Variants in CWC27 observed in about 807,000 individuals in gnomAD.
CWC27 encodes spliceosome-associated protein CWC27 homolog.
CWC27 carries 47 observed loss-of-function variants against 63.6 expected under a neutral mutation model. The ratio of observed to expected loss-of-function variants is 0.74; its 90% confidence interval spans 0.58 to 0.94. The LOEUF is 0.94. Ranked by LOEUF, CWC27 falls within the 40% of genes least tolerant of loss-of-function variation. The pLI is 0.00. For missense variants in CWC27, 495 were observed against 554.3 expected, an observed-to-expected ratio of 0.89 and a Z score of 1.07; for synonymous variants, 175 against 179.8, an observed-to-expected ratio of 0.97 and a Z score of 0.22.
intron 10 of CWC27, chr5:64,808,487 A>C: frequency 1.8e-5 from 6 of 329,386 alleles, no homozygotes; most frequent in African/African-American, 2.2e-5. Flanking sequence ...TTGTATCTCC[A>C]TGTTCAAACA....
At chr5:64,779,929 C>G (rs1437615463) in intron 2 of CWC27, among the ~76,000 whole-genome samples, 3 of 152,198 alleles carry the variant, frequency 2.0e-5, no homozygotes, top group Non-Finnish European at 4.4e-5. Context: ...CCTGCTTCTC[C>G]TTTGCCATCC....
intron 13 of CWC27, among the ~76,000 whole-genome samples, chr5:65,013,852 G>C (rs920540353): frequency 6.6e-6 from 1 of 152,138 alleles, no homozygotes; most frequent in Non-Finnish European, 1.5e-5. Flanking sequence ...TATTATATAA[G>C]TAATTTAAAT....
intron 11 of CWC27, among the ~76,000 whole-genome samples, chr5:64,916,351 G>A (rs1201705547): frequency 1.3e-5 from 2 of 152,046 alleles, no homozygotes; most frequent in African/African-American, 4.8e-5. Context: ...AAAAACCTAG[G>A]TTTGAGTCAA....
At position 64,882,253 on chromosome 5, in the gene CWC27, G is replaced by A. The variant is rs1271583646; in HGVS notation, c.939-3190G>A. On this transcript the variant is annotated intron_variant, in intron 10 of 13. Transcript: ENST00000381070. Reference sequence around the variant, plus strand: ...GAGAAGAGTCCAAGGGAAATTTAAAGTCTGGTCATTCAAAAGATTATGGTT... The same window carrying A: ...GAGAAGAGTCCAAGGGAAATTTAAAATCTGGTCATTCAAAAGATTATGGTT... Among the ~76,000 whole-genome samples, 2 of 152,314 alleles carry A rather than the reference G, an allele frequency of 1.3e-5. 1 individual carries two copies. Among genetic ancestry groups the A allele is most frequent in the African/African-American group, 4.8e-5 (2 of 41,582 alleles).
chr5:64,990,781 C>A (rs1194818860), intron 13 of CWC27, among the ~76,000 whole-genome samples: 3 of 152,110 alleles, frequency 2.0e-5, no homozygotes, highest in African/African-American at 7.2e-5. Flanking sequence ...CATGTAGAGC[C>A]CATGGCAAGT....
chr5:64,961,872 A>T (rs1748917756), intron 11 of CWC27, among the ~76,000 whole-genome samples: 1 of 152,208 alleles, frequency 6.6e-6, no homozygotes, highest in Non-Finnish European at 1.5e-5. Flanking sequence ...CTTGACATAT[A>T]ATAAGTTCTT....
chr5:64,816,475 C>T (rs978171817), intron 10 of CWC27, among the ~76,000 whole-genome samples: 1 of 152,076 alleles, frequency 6.6e-6, no homozygotes, highest in Non-Finnish European at 1.5e-5. Flanking sequence ...ACATTCAGGC[C>T]GTCTTTTTTA....
chr5:64,783,877 G>C lies in CWC27; in HGVS notation c.294G>C (p.Leu98=). The part of the protein sequence containing the change: ...HSRLRFNRRG[L]VAMANAGSHD... ...GGTTGCGTTTTAATCGGAGAGGACT[G>C]GTTGCCATGGCAAATGCTGGTTCTC... is the stretch of plus-strand genomic sequence containing the variant. Residue 98 remains leucine (L), a synonymous_variant, in exon 4 of 14, where the codon CTG becomes CTC. Coordinates refer to ENST00000381070, the MANE Select transcript of CWC27 (RefSeq NM_005869.4). The C allele has an allele frequency of 6.2e-7, 1 of 1,601,644 alleles. No homozygotes were observed.
At chr5:64,814,079 A>AT (rs74634111) in intron 10 of CWC27, among the ~76,000 whole-genome samples, 5,625 of 142,692 alleles carry the variant, frequency 0.039, 284 homozygotes, top group African/African-American at 0.12. Flanking sequence ...TTTTTTTGCG[A>AT]TTTTTTTTTT....
At chr5:64,962,779 G>C (rs1250586103) in intron 11 of CWC27, among the ~76,000 whole-genome samples, 1 of 152,062 alleles carries the variant, frequency 6.6e-6, no homozygotes, top group African/African-American at 2.4e-5. Flanking sequence ...GAACAATCTT[G>C]GTGCCTAGGA....
intron 2 of CWC27, among the ~76,000 whole-genome samples, chr5:64,780,472 AAT>A (rs1352687142): frequency 4.7e-5 from 7 of 149,172 alleles, no homozygotes; most frequent in Admixed American, 4.0e-4. Flanking sequence ...ATATAGAAAC[AAT>A]ATATATAAAT....
At chr5:65,007,721 G>A (rs570407101) in intron 13 of CWC27, among the ~76,000 whole-genome samples, 14 of 149,674 alleles carry the variant, frequency 9.4e-5, no homozygotes, top group South Asian at 2.1e-4. Flanking sequence ...TTCGCCTCCC[G>A]GATTCACGCC....
rs912822130 is a variant in CWC27 at position 64,784,184 on chromosome 5, T to C, written c.396+205T>C. 1.4e-4 allele frequency among the ~76,000 whole-genome samples: 21 copies of C among 152,220 alleles called. 1 individual carries two copies. Among genetic ancestry groups the C allele is most frequent in the Admixed American group, 7.2e-4 (11 of 15,276 alleles). On this transcript the variant is annotated intron_variant, in intron 4 of 13. Transcript: ENST00000381070. ...AGCATCTAAGTTCTTTTTGGATCTT[T>C]CAATTCAGTCATTAGTTGTGACTTT...
chr5:64,814,515 G>A (rs770505420), intron 10 of CWC27, among the ~76,000 whole-genome samples: 2 of 152,114 alleles, frequency 1.3e-5, no homozygotes, highest in Non-Finnish European at 2.9e-5. Flanking sequence ...AACTTCCACA[G>A]CAAAGGTATA....
At chr5:64,885,075 A>G (rs1169960979) in intron 10 of CWC27, among the ~76,000 whole-genome samples, 2 of 152,120 alleles carry the variant, frequency 1.3e-5, no homozygotes, top group African/African-American at 2.4e-5. Context: ...TTTTTTGTGT[A>G]TGTCCATGCT....
intron 11 of CWC27, among the ~76,000 whole-genome samples, chr5:64,931,171 C>T (rs1443707407): frequency 6.6e-6 from 1 of 151,976 alleles, no homozygotes; most frequent in Non-Finnish European, 1.5e-5. Context: ...ATTTGAAATA[C>T]TATAGTTACT....
At chr5:64,781,160 C>A (rs1157161121) in intron 2 of CWC27, among the ~76,000 whole-genome samples, 1 of 151,986 alleles carries the variant, frequency 6.6e-6, no homozygotes, top group African/African-American at 2.4e-5. Context: ...ACAGTCTCTC[C>A]TGTATATTTA....
At chr5:64,818,957 CTATT>C (rs908235603) in intron 10 of CWC27, among the ~76,000 whole-genome samples, 2 of 152,106 alleles carry the variant, frequency 1.3e-5, no homozygotes, top group African/African-American at 4.8e-5. Context: ...CTTTTAGTAG[CTATT>C]TAAAGATATT....
At chr5:64,856,494 G>A (rs1580677903) in intron 10 of CWC27, among the ~76,000 whole-genome samples, 1 of 143,790 alleles carries the variant, frequency 7.0e-6, no homozygotes, top group South Asian at 2.2e-4. Context: ...GTGTATGTGT[G>A]TAGTTCCCAA....
Sources: gnomAD v4.1 joint callset for allele counts (sites outside exome capture counted in the v4.1 genomes callset) on GRCh38, gnomAD v4.1.1 for gene constraint, MANE v1.5 for transcripts, NCBI Gene and HGNC (gene_info 2026-07-23, HGNC 2026-07-21) for gene names.